Variants in KCNJ4 observed in about 807,000 individuals in gnomAD.
KCNJ4 encodes the protein potassium inwardly rectifying channel subfamily J member 4, also known as inward rectifier potassium channel 4.
Under a neutral mutation model 25.6 loss-of-function variants are expected in KCNJ4, and 3 were observed. That is an observed-to-expected ratio of 0.12 (90% CI 0.05 to 0.30). The LOEUF is 0.30. KCNJ4 is among the 10% of genes least tolerant of loss of function. The probability of loss-of-function intolerance (pLI) is 1.00; values close to 1 mark genes in which losing one functional copy is unlikely to be tolerated. For synonymous variants in KCNJ4, 257 were observed against 283.9 expected, an observed-to-expected ratio of 0.91 and a Z score of 0.95; for missense variants, 286 against 666.8, an observed-to-expected ratio of 0.43 and a Z score of 6.29.
chr22:38,438,977 G>A (rs1247538776), intron 1 of KCNJ4, among the ~76,000 whole-genome samples: 1 of 152,254 alleles, frequency 6.6e-6, no homozygotes, highest in Non-Finnish European at 1.5e-5. Flanking sequence ...CAGACATGGT[G>A]GCTCACACCC....
At chr22:38,440,279 C>T (rs990406569) in intron 1 of KCNJ4, among the ~76,000 whole-genome samples, 2 of 152,112 alleles carry the variant, frequency 1.3e-5, no homozygotes, top group African/African-American at 2.4e-5. Context: ...TGGTGGCTCA[C>T]GCCTGTAATC....
rs555876385 is a variant in KCNJ4 at position 38,449,544 on chromosome 22, G to A, written c.-40+5436C>T. ...CACGCATGCGCATGCGTGTGTGCCT[G>A]TGTCTGTGCCTGAGCATGCACGCGC... On this transcript the variant is annotated intron_variant, in intron 1 of 1. Coordinates refer to ENST00000303592, the MANE Select transcript of KCNJ4 (RefSeq NM_152868.3). The surrounding 1 kb of genome is among the most constrained non-coding windows in gnomAD (Gnocchi z 5.2). Among the ~76,000 whole-genome samples the A allele has an allele frequency of 6.6e-6, 1 of 152,288 alleles. No homozygotes were observed. Among genetic ancestry groups the A allele is most frequent in the East Asian group, 1.9e-4 (1 of 5,172 alleles).
chr22:38,435,760 C>G (rs1164054958), intron 1 of KCNJ4, among the ~76,000 whole-genome samples: 1 of 151,938 alleles, frequency 6.6e-6, no homozygotes, highest in Non-Finnish European at 1.5e-5. Flanking sequence ...CCTTGTGGAG[C>G]ACAGAGTCTG....
chr22:38,432,589 A>G (rs567837293), intron 1 of KCNJ4, among the ~76,000 whole-genome samples: 1 of 152,178 alleles, frequency 6.6e-6, no homozygotes, highest in Non-Finnish European at 1.5e-5. Flanking sequence ...AGAGCTTGAC[A>G]TAGAACCAGA....
chr22:38,445,839 G>A (rs145461213), intron 1 of KCNJ4, among the ~76,000 whole-genome samples: 22 of 152,288 alleles, frequency 1.4e-4, no homozygotes, highest in East Asian at 7.7e-4. Flanking sequence ...GGTTAGGAGC[G>A]GTGAAATGGG....
chr22:38,437,901 C>CA (rs2089303981), intron 1 of KCNJ4, among the ~76,000 whole-genome samples: 1 of 151,814 alleles, frequency 6.6e-6, no homozygotes. Context: ...TCAGGAGTTC[C>CA]AGACCAGCCT....
Position 38,426,918 on chromosome 22 carries a change from C to T in KCNJ4, c.1215G>A (p.Ala405=), listed in dbSNP as rs186458327. The part of the protein sequence containing the change: ...AAVAAGLGLE[A]GSKEEAGIIR... ...TGATGCCCGCCTCCTCCTTGGAACC[C>T]GCCTCCAGGCCCAGGCCTGCGGCCA... The change falls in exon 2 of 2, where the codon GCG becomes GCA. Residue 405 remains alanine (A), a synonymous_variant. Coordinates refer to ENST00000303592, the MANE Select transcript of KCNJ4 (RefSeq NM_152868.3). The T allele has an allele frequency of 2.2e-5, 36 of 1,612,790 alleles. No individual in the cohort carries two copies. The highest frequency in any genetic ancestry group is 2.1e-4 in the African/African-American group (16 of 75,016).
rs144278384 is a variant in KCNJ4, at chr22:38,427,830, C to T, written c.303G>A (p.Ala101=). 2.2e-5 allele frequency: 35 copies of T among 1,608,926 alleles called. No individual in the cohort carries two copies. Among genetic ancestry groups the T allele is most frequent in the East Asian group, 6.7e-5 (3 of 44,710 alleles). The change falls in exon 2 of 2, where the codon GCG becomes GCA. Residue 101 remains alanine (A), a synonymous_variant. Coordinates refer to ENST00000303592, the MANE Select transcript of KCNJ4 (RefSeq NM_152868.3). ...PGVPAAGGPA[A]GGGGAAPVAP... is the part of the protein sequence containing the mutation. ...CCACCGGGGCTGCTCCGCCACCACCCGCCGCCGGGCCCCCCGCCGCAGGCA... is the reference window on the plus strand; with the variant it reads ...CCACCGGGGCTGCTCCGCCACCACCTGCCGCCGGGCCCCCCGCCGCAGGCA...
rs79928737 is a variant in KCNJ4 at position 38,427,833 on chromosome 22, C to A, written c.300G>T (p.Ala100=). 2.5e-6 allele frequency: 4 copies of A among 1,608,888 alleles called. No individual in the cohort carries two copies. The Admixed American group carries it at 6.7e-5, about 27-fold the overall frequency. Residue 100 remains alanine (A), a synonymous_variant, in exon 2 of 2, where the codon GCG becomes GCT. Transcript: ENST00000303592. The part of the protein sequence containing the change: ...SPGVPAAGGP[A]AGGGGAAPVA... Reference sequence around the variant, plus strand: ...CCGGGGCTGCTCCGCCACCACCCGCCGCCGGGCCCCCCGCCGCAGGCACCC... The same window carrying A: ...CCGGGGCTGCTCCGCCACCACCCGCAGCCGGGCCCCCCGCCGCAGGCACCC...
Position 38,427,265 on chromosome 22 carries a change from G to A in KCNJ4, c.868C>T (p.Leu290=). The change falls in exon 2 of 2, where the codon CTG becomes TTG. Residue 290 remains leucine (L), a synonymous_variant. Coordinates refer to ENST00000303592, the MANE Select transcript of KCNJ4 (RefSeq NM_152868.3). ...GCCGTGGCCTCCACCATGCCCTCCAGGATGACCACGATCTCAAAGTCCTCC... is the reference window on the plus strand; with the variant it reads ...GCCGTGGCCTCCACCATGCCCTCCAAGATGACCACGATCTCAAAGTCCTCC... ...ESEDFEIVVI[L]EGMVEATAMT... is the part of the protein sequence containing the mutation. 6.2e-7 allele frequency: 1 copy of A among 1,613,776 alleles called. No homozygotes were observed. Among genetic ancestry groups the A allele is most frequent in the Non-Finnish European group, 8.5e-7 (1 of 1,180,016 alleles).
chr22:38,445,051 G>C (rs536893267), intron 1 of KCNJ4, among the ~76,000 whole-genome samples: 58 of 152,242 alleles, frequency 3.8e-4, no homozygotes, highest in Admixed American at 1.5e-3. Context: ...GTGCACGCAT[G>C]TGTGCGTGCA....
chr22:38,437,010 A>G lies in KCNJ4; in HGVS notation c.-39-8839T>C, dbSNP rs1212680391. ...GAAGTCAGTCCTATGGGGATGGAGA[A>G]ACTGGATCACAGGGCAAGTTGGAGC... On this transcript the variant is annotated intron_variant, in intron 1 of 1. Coordinates refer to ENST00000303592, the MANE Select transcript of KCNJ4 (RefSeq NM_152868.3). 3.3e-5 allele frequency among the ~76,000 whole-genome samples: 5 copies of G among 152,198 alleles called. 1 individual carries two copies. Among genetic ancestry groups the G allele is most frequent in the South Asian group, 4.1e-4 (2 of 4,832 alleles).
chr22:38,435,246 C>A (rs1377766268), intron 1 of KCNJ4, among the ~76,000 whole-genome samples: 2 of 152,192 alleles, frequency 1.3e-5, no homozygotes, highest in East Asian at 3.8e-4. Context: ...CATCCCTGAG[C>A]CCTCCTGGGC....
intron 1 of KCNJ4, among the ~76,000 whole-genome samples, chr22:38,433,186 G>C (rs913943105): frequency 1.3e-5 from 2 of 152,210 alleles, no homozygotes; most frequent in South Asian, 2.1e-4. Context: ...GGTGGCTCAC[G>C]CCTGTAATCC....
At position 38,441,121 on chromosome 22, in the gene KCNJ4, CAGG is replaced by C. The variant is rs527855184; in HGVS notation, c.-39-12953_-39-12951del. Among the ~76,000 whole-genome samples, 269 of 152,156 alleles carry C rather than the reference CAGG, an allele frequency of 1.8e-3. 2 individuals carry two copies. Among genetic ancestry groups the C allele is most frequent in the African/African-American group, 6.2e-3 (258 of 41,494 alleles). ...CAGATGAGGAGGACCGGCCAGAGAG[CAGG>C]AGGAGTAGGGGAGGGAGGCCAGCTC... On this transcript the variant is annotated intron_variant, in intron 1 of 1. Coordinates refer to ENST00000303592, the MANE Select transcript of KCNJ4 (RefSeq NM_152868.3).
chr22:38,448,226 A>G (rs1244241308), intron 1 of KCNJ4, among the ~76,000 whole-genome samples: 1 of 149,860 alleles, frequency 6.7e-6, no homozygotes, highest in Non-Finnish European at 1.5e-5. Flanking sequence ...AGCCTGGGTG[A>G]CAAGAGCGAA....
At chr22:38,437,788 C>T (rs1335299759) in intron 1 of KCNJ4, among the ~76,000 whole-genome samples, 7 of 152,118 alleles carry the variant, frequency 4.6e-5, no homozygotes, top group Non-Finnish European at 1.0e-4. Context: ...AACTGTATAT[C>T]TTTGTGGAAG....
At chr22:38,447,024 G>A (rs2089379786) in intron 1 of KCNJ4, among the ~76,000 whole-genome samples, 9 of 151,368 alleles carry the variant, frequency 5.9e-5, no homozygotes, top group African/African-American at 1.7e-4. Context: ...GCTCAGAGAG[G>A]TGAAAAACCT....
At position 38,426,674 on chromosome 22, in the gene KCNJ4, C is replaced by A; in HGVS notation, c.*121G>T. The A allele has an allele frequency of 7.7e-7, 1 of 1,293,190 alleles. No individual in the cohort carries two copies. Among genetic ancestry groups the A allele is most frequent in the Non-Finnish European group, 1.1e-6 (1 of 934,752 alleles). The allele number at this position is 1,293,190 out of a possible 1,614,324, so 80.1% of individuals were successfully genotyped here. A position where few individuals can be genotyped will look rare whatever the true frequency, so the allele number is the denominator to read the frequency against. ...GGTCCCCCAGTCTTTGAAACCCCCA[C>A]CTTCCTCCAGAAGGTCCACGGAGCC... On this transcript the variant is annotated 3_prime_UTR_variant, in exon 2 of 2. Transcript: ENST00000303592.
Sources: allele counts gnomAD v4.1 joint callset (sites outside exome capture counted in the v4.1 genomes callset), GRCh38; gene constraint gnomAD v4.1.1; non-coding constraint Gnocchi (gnomAD v3.1); transcripts MANE v1.5; gene names NCBI Gene and HGNC (gene_info 2026-07-23, HGNC 2026-07-21).